The following SPAG16 variants were observed in gnomAD, a reference collection of about 807,000 sequenced individuals.
SPAG16 encodes sperm associated antigen 16, also known as sperm-associated antigen 16 protein.
Under a neutral mutation model 80.4 loss-of-function variants are expected in SPAG16, and 86 were observed. That is an observed-to-expected ratio of 1.07 (90% CI 0.90 to 1.28). The LOEUF (loss-of-function observed/expected upper bound fraction) is 1.28, where lower values mean the gene tolerates loss of function less well. Ranked by LOEUF, SPAG16 falls within the 50% of genes most tolerant of loss-of-function variation. SPAG16 has a pLI of 0.00. For synonymous variants in SPAG16, 294 were observed against 265.9 expected (o/e 1.11, Z -1.03); for missense variants, 870 against 765.3 (o/e 1.14, Z -1.61).
chr2:213,970,009 G>A (rs574290483), intron 12 of SPAG16, among the ~76,000 whole-genome samples: 1 of 152,234 alleles, frequency 6.6e-6, no homozygotes, highest in South Asian at 2.1e-4. Context: ...CAGCAGATTT[G>A]GTGTTTGGTG....
At chr2:214,211,097 A>G (rs760960127) in intron 15 of SPAG16, among the ~76,000 whole-genome samples, 5 of 152,160 alleles carry the variant, frequency 3.3e-5, no homozygotes, top group Non-Finnish European at 7.3e-5. Flanking sequence ...ACTCTTGAGC[A>G]CGTAACATTT....
At chr2:213,296,264 A>G (rs924948383) in intron 2 of SPAG16, 154 bp downstream of exon 2, 24 of 555,456 alleles carry the variant, frequency 4.3e-5, no homozygotes, top group Admixed American at 2.0e-4. Flanking sequence ...GCTGATTAAG[A>G]ATGAGATGTG....
At chr2:213,386,608 T>C (rs993440554) in intron 9 of SPAG16, among the ~76,000 whole-genome samples, 1 of 152,256 alleles carries the variant, frequency 6.6e-6, no homozygotes, top group African/African-American at 2.4e-5. Flanking sequence ...GGTATCTAGC[T>C]TGTTGATATT....
chr2:213,427,345 C>T (rs1044728109), intron 9 of SPAG16, among the ~76,000 whole-genome samples: 9 of 152,112 alleles, frequency 5.9e-5, no homozygotes, highest in African/African-American at 2.2e-4. Context: ...TGGACAGACG[C>T]ACAGTGATAT....
rs370086789 is a variant in SPAG16 at position 213,576,953 on chromosome 2, A to G, written c.1070+86863A>G. ...AACAATCCCCATTACACAAGTTTAC[A>G]TAGGTTACATAGGTAAACTTGTGTA... On this transcript the variant is annotated intron_variant, in intron 10 of 15. Coordinates refer to ENST00000331683, the MANE Select transcript of SPAG16 (RefSeq NM_024532.5). 2.0e-5 allele frequency among the ~76,000 whole-genome samples: 3 copies of G among 152,186 alleles called. No homozygotes were observed. In the East Asian group the frequency reaches 5.8e-4, roughly 29 times the overall value.
chr2:214,019,256 A>G (rs1208019349), intron 13 of SPAG16, among the ~76,000 whole-genome samples: 3 of 148,996 alleles, frequency 2.0e-5, no homozygotes, highest in African/African-American at 7.5e-5. Context: ...AGTCATCCAC[A>G]AACCCAGTGA....
chr2:213,962,739 T>C (rs543841632), intron 12 of SPAG16, among the ~76,000 whole-genome samples: 4 of 152,240 alleles, frequency 2.6e-5, no homozygotes, highest in Non-Finnish European at 2.9e-5. Context: ...GCTTTACTCA[T>C]TGTAAGTTTA....
At chr2:214,250,751 TATATATAGAGAGAGAG>T (rs1044806094) in intron 15 of SPAG16, among the ~76,000 whole-genome samples, 14 of 98,846 alleles carry the variant, frequency 1.4e-4, no homozygotes, top group Non-Finnish European at 2.7e-4. Flanking sequence ...TATATATATA[TATATATAGAGAGAGAG>T]AGAGAGAGAG....
intron 10 of SPAG16, among the ~76,000 whole-genome samples, chr2:213,678,336 T>G (rs2064202784): frequency 6.6e-6 from 1 of 151,814 alleles, no homozygotes; most frequent in African/African-American, 2.4e-5. Flanking sequence ...AGGAGCTGGT[T>G]TTTTGAAAGG....
chr2:213,587,317 G>A (rs763456575), intron 10 of SPAG16, among the ~76,000 whole-genome samples: 4 of 152,088 alleles, frequency 2.6e-5, no homozygotes, highest in Non-Finnish European at 4.4e-5. Flanking sequence ...CAGATGAGCT[G>A]GTACTTGGGT....
At chr2:213,595,698 G>A (rs1233301475) in intron 10 of SPAG16, among the ~76,000 whole-genome samples, 1 of 152,034 alleles carries the variant, frequency 6.6e-6, no homozygotes, top group Non-Finnish European at 1.5e-5. Flanking sequence ...TAATATGGTG[G>A]ATTTTAAGTT....
At chr2:214,232,151 TC>T (rs1257453666) in intron 15 of SPAG16, among the ~76,000 whole-genome samples, 1 of 151,980 alleles carries the variant, frequency 6.6e-6, no homozygotes, top group African/African-American at 2.4e-5. Flanking sequence ...ACTTTCTTAT[TC>T]TTGCAGTCAT....
At chr2:214,051,054 A>G (rs1435971504) in intron 13 of SPAG16, among the ~76,000 whole-genome samples, 1 of 152,160 alleles carries the variant, frequency 6.6e-6, no homozygotes, top group African/African-American at 2.4e-5. Context: ...CAATCATAGC[A>G]GTGTCTTGAC....
At chr2:214,064,394 T>A (rs773726220) in intron 13 of SPAG16, among the ~76,000 whole-genome samples, 2 of 152,126 alleles carry the variant, frequency 1.3e-5, no homozygotes, top group Non-Finnish European at 2.9e-5. Context: ...AATTATTCTC[T>A]TGTTCTAAAA....
At chr2:213,882,755 A>T (rs918080107) in intron 11 of SPAG16, among the ~76,000 whole-genome samples, 1 of 152,034 alleles carries the variant, frequency 6.6e-6, no homozygotes, top group African/African-American at 2.4e-5. Flanking sequence ...TTTTGGTTTC[A>T]TTGGTCTTTT....
chr2:213,440,995 A>G (rs900584264), intron 9 of SPAG16, among the ~76,000 whole-genome samples: 1 of 152,214 alleles, frequency 6.6e-6, no homozygotes, highest in Admixed American at 6.5e-5. Flanking sequence ...CAACACATCT[A>G]ACTGGAGCTA....
In SPAG16 at chr2:213,317,750, T is replaced by A. The variant is rs1291167461; in HGVS notation, c.536+394T>A. 5.1e-6 allele frequency: 5 copies of A among 985,836 alleles called. No homozygotes were observed. The East Asian group carries it at 4.4e-4, about 87-fold the overall frequency. 61.1% of individuals were successfully genotyped at this position (985,836 alleles called of 1,614,324 possible). The stretch of plus-strand genomic sequence containing the variant: ...TATTCCTGGTAGAGGAATTTCTGTA[T>A]TTGAAAATTCTCCAGAAGGAATAAT... On this transcript the variant is annotated intron_variant, in intron 5 of 15. Coordinates refer to ENST00000331683, the MANE Select transcript of SPAG16 (RefSeq NM_024532.5).
chr2:213,839,893 G>C (rs2074283337), intron 10 of SPAG16, among the ~76,000 whole-genome samples: 1 of 152,150 alleles, frequency 6.6e-6, no homozygotes, highest in Non-Finnish European at 1.5e-5. Flanking sequence ...AGGAGATGAG[G>C]AGGGGGAAAT....
intron 13 of SPAG16, among the ~76,000 whole-genome samples, chr2:214,104,002 C>T (rs1475891839): frequency 6.6e-6 from 1 of 151,802 alleles, no homozygotes; most frequent in Non-Finnish European, 1.5e-5. Context: ...TTAAAGAAAC[C>T]TTTGCTCTGA....
Sources: allele counts gnomAD v4.1 joint callset (sites outside exome capture counted in the v4.1 genomes callset), GRCh38; gene constraint gnomAD v4.1.1; transcripts MANE v1.5; gene names NCBI Gene and HGNC (gene_info 2026-07-23, HGNC 2026-07-21).